The following RPS12 variants were observed in gnomAD, a reference collection of about 807,000 sequenced individuals.
The protein encoded by RPS12 is ribosomal protein S12, also known as small ribosomal subunit protein eS12.
In RPS12, 1 loss-of-function variant was observed where a neutral mutation model predicts 17.2. That is an observed-to-expected ratio of 0.06 (90% CI 0.02 to 0.28). The LOEUF is 0.28. RPS12 is among the 10% of genes least tolerant of loss of function. The pLI, the probability that RPS12 is intolerant of heterozygous loss-of-function variation, is 1.00. For synonymous variants in RPS12, 67 were observed against 54.0 expected, an observed-to-expected ratio of 1.24 and a Z score of -1.06; for missense variants, 146 against 162.1, an observed-to-expected ratio of 0.90 and a Z score of 0.54.
intron 3 of RPS12, chr6:132,815,541 G>A (rs763849586): frequency 2.3e-6 from 1 of 432,334 alleles, no homozygotes; most frequent in African/African-American, 2.0e-5. Context: ...TAGTATAATA[G>A]CTGTGATTTA....
chr6:132,816,129 C>G (rs530125353), intron 3 of RPS12: 4 of 391,538 alleles, frequency 1.0e-5, no homozygotes, highest in Admixed American at 7.7e-5. Context: ...CCATCGTGCC[C>G]GGCCTTTCAC....
intron 5 of RPS12, 64 bp from the exon 6 acceptor site, chr6:132,817,416 T>G: frequency 9.5e-7 from 1 of 1,049,292 alleles, no homozygotes; most frequent in Non-Finnish European, 1.5e-6. Context: ...TAATTGATAC[T>G]AATAGCTTGG....
intron 2 of RPS12, 21 bp downstream of exon 2, chr6:132,814,803 TGGAGTTGGGGTC>T (rs751875545): frequency 1.0e-4 from 161 of 1,609,714 alleles, no homozygotes; most frequent in Non-Finnish European, 1.3e-4. Context: ...GGGCCGGGGT[TGGAGTTGGGGTC>T]GGGGTGCGGC....
At chr6:132,814,812 G>T (rs1048046369) in intron 2 of RPS12, 30 bp downstream of exon 2, 2 of 1,603,798 alleles carry the variant, frequency 1.2e-6, no homozygotes, top group Non-Finnish European at 1.7e-6. Context: ...TTGGAGTTGG[G>T]GTCGGGGTGC....
At chr6:132,817,438 A>T (rs775147646) in intron 5 of RPS12, 42 bp from the exon 6 acceptor site, 14 of 1,295,884 alleles carry the variant, frequency 1.1e-5, no homozygotes, top group Admixed American at 6.8e-5. Context: ...GAAATTCCTA[A>T]ATATTAACAA....
chr6:132,815,535 A>C (rs534413117), intron 3 of RPS12: 1 of 429,272 alleles, frequency 2.3e-6, no homozygotes, highest in Non-Finnish European at 4.7e-6. Context: ...ATTTAGTAGT[A>C]TAATAGCTGT....
Position 132,814,616 on chromosome 6 carries a change from A to G in RPS12, c.-38+3A>G, listed in dbSNP as rs1582885775. 1.1e-6 allele frequency: 1 copy of G among 925,114 alleles called. No individual in the cohort carries two copies. The highest frequency in any genetic ancestry group is 1.8e-6 in the Non-Finnish European group (1 of 569,600). The allele number at this position is 925,114 out of a possible 1,614,324, so 57.3% of individuals were successfully genotyped here. ...TCGCGCGGAGGCGGAGGCTTGGGGT[A>G]AGTTGAGCGAGGCGGCAGGGGGGTG... On this transcript the variant is annotated splice_donor_region_variant and intron_variant, in intron 1 of 5. Transcript: ENST00000230050.
chr6:132,816,793 G>A (rs550668192), intron 4 of RPS12, 167 bp from the exon 5 acceptor site: 15 of 770,694 alleles, frequency 1.9e-5, no homozygotes, highest in Non-Finnish European at 3.3e-5. Context: ...GCTTGTAGGT[G>A]ATCTTAGTGC....
rs926972204 is a variant in RPS12 at position 132,816,539 on chromosome 6, T to C, written c.210T>C (p.Ala70=). The change falls in exon 4 of 6, where the codon GCT becomes GCC. Residue 70 remains alanine, a synonymous_variant. Coordinates refer to ENST00000230050, the MANE Select transcript of RPS12 (RefSeq NM_001016.4). The stretch of plus-strand genomic sequence containing the variant: ...TCAAGTTGGTGGAGGCCCTTTGTGC[T>C]GAACACCAAATCAACCTAATTAAGG... ...MYVKLVEALC[A]EHQINLIKVD... 3 of 1,599,690 alleles carry C rather than the reference T, an allele frequency of 1.9e-6. No individual in the cohort carries two copies. The African/African-American group carries it at 4.0e-5, about 21-fold the overall frequency.
chr6:132,814,592 C>G lies in RPS12; in HGVS notation c.-59C>G, dbSNP rs754590941. The G allele has an allele frequency of 1.0e-5, 8 of 801,290 alleles. No homozygotes were observed. Among genetic ancestry groups the G allele is most frequent in the South Asian group, 4.3e-5 (3 of 70,034 alleles). 49.6% of individuals were successfully genotyped at this position (801,290 alleles called of 1,614,324 possible). A position where few individuals can be genotyped will look rare whatever the true frequency, so the allele number is the denominator to read the frequency against. ...GCCTCTTTCCCTGCCGCCGCCGAGT[C>G]GCGCGGAGGCGGAGGCTTGGGGTAA... On this transcript the variant is annotated 5_prime_UTR_variant, in exon 1 of 6. Coordinates refer to ENST00000230050, the MANE Select transcript of RPS12 (RefSeq NM_001016.4).
intron 3 of RPS12, 76 bp from the exon 4 acceptor site, chr6:132,816,385 T>C: frequency 9.2e-7 from 1 of 1,088,806 alleles, no homozygotes; most frequent in South Asian, 1.3e-5. Flanking sequence ...AGTGCAAAGA[T>C]AACCCTCCTA....
chr6:132,815,365 A>G (rs1302466814), intron 3 of RPS12: 1 of 609,722 alleles, frequency 1.6e-6, no homozygotes, highest in Non-Finnish European at 3.1e-6. Flanking sequence ...AGTGAAACAT[A>G]AGAGTCTGAC....
chr6:132,815,005 T>A lies in RPS12; in HGVS notation c.48T>A (p.Thr16=). 2 of 1,613,650 alleles carry A rather than the reference T, an allele frequency of 1.2e-6. No homozygotes were observed. The highest frequency in any genetic ancestry group is 1.7e-6 in the Non-Finnish European group (2 of 1,179,560). The change falls in exon 3 of 6, where the codon ACT becomes ACA. Residue 16 remains threonine (T), a synonymous_variant. Transcript: ENST00000230050. ...CTGGAGGTGTAATGGACGTTAATACTGCTTTACAAGAGGTTCTGAAGACTG... is the reference window on the plus strand; with the variant it reads ...CTGGAGGTGTAATGGACGTTAATACAGCTTTACAAGAGGTTCTGAAGACTG... ...IAAGGVMDVN[T]ALQEVLKTAL...
intron 3 of RPS12, chr6:132,816,157 T>G (rs544521190): frequency 2.2e-6 from 1 of 457,774 alleles, no homozygotes; most frequent in Non-Finnish European, 4.0e-6. Context: ...TTTAGGTATA[T>G]GAAGCTGGCT....
chr6:132,816,803 C>G (rs752735313), intron 4 of RPS12, 157 bp from the exon 5 acceptor site: 1 of 771,474 alleles, frequency 1.3e-6, no homozygotes, highest in South Asian at 1.4e-5. Context: ...GATCTTAGTG[C>G]TGTACATGAT....
chr6:132,816,082 C>T (rs1257884982), intron 3 of RPS12: 1 of 370,852 alleles, frequency 2.7e-6, no homozygotes, highest in Non-Finnish European at 5.3e-6. Context: ...CATCTGCCCC[C>T]CTCGTCTTCC....
intron 3 of RPS12, chr6:132,815,841 TTTTTC>T (rs750603150): frequency 5.8e-5 from 25 of 430,058 alleles, no homozygotes; most frequent in South Asian, 4.3e-4. Flanking sequence ...TTTTTTTTCT[TTTTTC>T]TTTTTTTTTT....
At chr6:132,816,180 A>G (rs999466883) in intron 3 of RPS12, 8 of 506,078 alleles carry the variant, frequency 1.6e-5, no homozygotes, top group Non-Finnish European at 2.5e-5. Flanking sequence ...CAAGAAAGCT[A>G]TTATGGTTGG....
chr6:132,816,612 A>T lies in RPS12; in HGVS notation c.234+49A>T, dbSNP rs200449738. 9 of 1,220,028 alleles carry T rather than the reference A, an allele frequency of 7.4e-6. No homozygotes were observed. In the African/African-American group the frequency reaches 1.3e-4, roughly 18 times the overall value. 75.6% of individuals were successfully genotyped at this position (1,220,028 alleles called of 1,614,324 possible). On this transcript the variant is annotated intron_variant, in intron 4 of 5. Coordinates refer to ENST00000230050, the MANE Select transcript of RPS12 (RefSeq NM_001016.4). ...GGGACTAATGTTCAGTGATGCTTGTATATGGGGGTAAATTCTGTGAAGTCT... is the reference window on the plus strand; with the variant it reads ...GGGACTAATGTTCAGTGATGCTTGTTTATGGGGGTAAATTCTGTGAAGTCT...
Sources: allele counts gnomAD v4.1 joint callset, GRCh38; gene constraint gnomAD v4.1.1; transcripts MANE v1.5; gene names NCBI Gene and HGNC (gene_info 2026-07-23, HGNC 2026-07-21).